CSMD1: variants seen among roughly 807,000 people sequenced by gnomAD.
CSMD1 encodes CUB and sushi domain-containing protein 1.
In CSMD1, 213 loss-of-function variants were observed where a neutral mutation model predicts 417.5. The ratio of observed to expected loss-of-function variants is 0.51; its 90% CI spans 0.46 to 0.57. CSMD1 has a LOEUF of 0.57. Ranked by LOEUF, CSMD1 falls within the 20% of genes least tolerant of loss-of-function variation. The probability of loss-of-function intolerance (pLI) is 0.00; values close to 1 mark genes in which losing one functional copy is unlikely to be tolerated. For missense variants in CSMD1, 6,923 were observed against 4,529.7 expected (o/e 1.53, Z -15.17); for synonymous variants, 2,862 against 1,736.8 (o/e 1.65, Z -16.11).
chr8:4,118,329 AT>A, intron 3 of CSMD1, among the ~76,000 whole-genome samples: 1 of 152,316 alleles, frequency 6.6e-6, no homozygotes, highest in East Asian at 1.9e-4. Context: ...AAACTTAAAA[AT>A]AGAAGCTTTG....
chr8:3,644,966 G>GAAAAATAAA (rs1797501761), intron 7 of CSMD1, among the ~76,000 whole-genome samples: 8 of 64,416 alleles, frequency 1.2e-4, no homozygotes, highest in Admixed American at 1.8e-4. Flanking sequence ...GGCTTTAAAT[G>GAAAAATAAA]AAAAAAAAAA....
At chr8:4,736,846 T>C (rs567422222) in intron 1 of CSMD1, among the ~76,000 whole-genome samples, 15 of 152,110 alleles carry the variant, frequency 9.9e-5, no homozygotes, top group Non-Finnish European at 2.1e-4. Flanking sequence ...GGTAAGAAAA[T>C]AGCTCCTACC....
chr8:4,722,745 G>A (rs1025422305), intron 1 of CSMD1, among the ~76,000 whole-genome samples: 1 of 152,054 alleles, frequency 6.6e-6, no homozygotes, highest in African/African-American at 2.4e-5. Context: ...TTTGGTAGTC[G>A]TCAGGAAAAT....
chr8:4,302,400 C>G (rs1473175300), intron 3 of CSMD1, among the ~76,000 whole-genome samples: 1 of 152,114 alleles, frequency 6.6e-6, no homozygotes, highest in Non-Finnish European at 1.5e-5. Context: ...AGTTGAAAAC[C>G]TTTATATATG....
chr8:4,603,744 C>A (rs995461840), intron 2 of CSMD1, among the ~76,000 whole-genome samples: 2 of 152,050 alleles, frequency 1.3e-5, no homozygotes, highest in African/African-American at 4.8e-5. Context: ...TATTGTTAGA[C>A]AATTTAGGAT....
chr8:3,024,372 C>G (rs770469093), intron 51 of CSMD1, among the ~76,000 whole-genome samples: 28 of 151,928 alleles, frequency 1.8e-4, no homozygotes, highest in Middle Eastern at 3.4e-3. Flanking sequence ...GTGATGGGAC[C>G]TCAGCTCGCG....
intron 2 of CSMD1, among the ~76,000 whole-genome samples, chr8:4,615,952 G>C (rs1801450486): frequency 6.6e-6 from 1 of 152,062 alleles, no homozygotes; most frequent in Admixed American, 6.6e-5. Flanking sequence ...TAAGAATCTA[G>C]CCAGAATCTT....
intron 37 of CSMD1, among the ~76,000 whole-genome samples, chr8:3,175,934 T>G (rs17079549): frequency 0.041 from 6,278 of 152,268 alleles, 144 homozygotes; most frequent in South Asian, 0.081. Flanking sequence ...TTTGACTCAG[T>G]GGCATACATT....
intron 3 of CSMD1, among the ~76,000 whole-genome samples, chr8:4,072,041 T>G (rs1006826592): frequency 2.0e-5 from 3 of 152,178 alleles, no homozygotes; most frequent in Admixed American, 6.5e-5. Context: ...AAAGTGGATG[T>G]TAGGATAGAG....
At chr8:4,964,550 A>G (rs1315509107) in intron 1 of CSMD1, among the ~76,000 whole-genome samples, 1 of 151,176 alleles carries the variant, frequency 6.6e-6, no homozygotes, top group Non-Finnish European at 1.5e-5. Context: ...AAAAAAAAAA[A>G]GGATGACTAG....
chr8:3,426,936 C>A (rs1050485689), intron 12 of CSMD1, among the ~76,000 whole-genome samples: 1 of 152,146 alleles, frequency 6.6e-6, no homozygotes, highest in Non-Finnish European at 1.5e-5. Flanking sequence ...AGGAAACTTA[C>A]AATCGTGGTG....
intron 26 of CSMD1, among the ~76,000 whole-genome samples, chr8:3,244,313 G>C (rs544464988): frequency 1.3e-5 from 2 of 152,082 alleles, no homozygotes; most frequent in South Asian, 4.1e-4. Context: ...GTCAGGCTGC[G>C]GCAATTTAGG....
intron 3 of CSMD1, among the ~76,000 whole-genome samples, chr8:4,227,496 T>G (rs898040007): frequency 2.0e-5 from 3 of 152,104 alleles, no homozygotes; most frequent in East Asian, 3.9e-4. Context: ...CCCTTGAGGC[T>G]GGAGGAGCGC....
At chr8:4,317,607 GAGAGAGAGAAAGA>G (rs1799009748) in intron 3 of CSMD1, among the ~76,000 whole-genome samples, 2 of 166 alleles carry the variant, frequency 0.012, no homozygotes, top group Non-Finnish European at 0.029. Flanking sequence ...AGAGAGGGGA[GAGAGAGAGAAAGA>G]GAGAGAGAGA....
intron 3 of CSMD1, among the ~76,000 whole-genome samples, chr8:4,080,426 A>T (rs569452276): frequency 1.8e-4 from 28 of 152,334 alleles, no homozygotes; most frequent in African/African-American, 6.7e-4. Flanking sequence ...TAATCATGCC[A>T]TTACATACAT....
chr8:3,543,225 G>T (rs1309332366), intron 10 of CSMD1, among the ~76,000 whole-genome samples: 2 of 152,338 alleles, frequency 1.3e-5, no homozygotes, highest in African/African-American at 4.8e-5. Flanking sequence ...AAGGGAGGTG[G>T]GAGAAGCCCA....
Position 4,967,119 on chromosome 8 carries a change from A to G in CSMD1, c.85+27213T>C, listed in dbSNP as rs147477095. 9.2e-4 allele frequency among the ~76,000 whole-genome samples: 140 copies of G among 152,326 alleles called. No homozygotes were observed. In the Middle Eastern group the frequency reaches 0.024, roughly 26 times the overall value. Reference sequence around the variant, plus strand: ...AGCAGATAAATTTGTCTTAAAAAAAAATCAGGGTTCATTCAAAGGAAGAGA... The same window carrying G: ...AGCAGATAAATTTGTCTTAAAAAAAGATCAGGGTTCATTCAAAGGAAGAGA... On this transcript the variant is annotated intron_variant, in intron 1 of 69. Coordinates refer to ENST00000635120, the MANE Select transcript of CSMD1 (RefSeq NM_033225.6).
chr8:4,499,253 T>C (rs1003304915), intron 2 of CSMD1, among the ~76,000 whole-genome samples: 12 of 152,164 alleles, frequency 7.9e-5, no homozygotes, highest in African/African-American at 2.7e-4. Flanking sequence ...GGATTCTGGA[T>C]AAGCACAGGA....
intron 3 of CSMD1, among the ~76,000 whole-genome samples, chr8:4,272,725 A>C (rs1804683985): frequency 6.6e-6 from 1 of 152,116 alleles, no homozygotes. Context: ...GTAATTCTTG[A>C]CTGTACATTT....
Sources: gnomAD v4.1 joint callset for allele counts (sites outside exome capture counted in the v4.1 genomes callset) on GRCh38, gnomAD v4.1.1 for gene constraint, MANE v1.5 for transcripts, NCBI Gene and HGNC (gene_info 2026-07-23, HGNC 2026-07-21) for gene names.